PID1: variants seen among roughly 807,000 people sequenced by gnomAD.
PID1 encodes phosphotyrosine interaction domain containing 1, also known as PTB-containing, cubilin and LRP1-interacting protein.
PID1 carries 10 observed loss-of-function variants against 19.1 expected under a neutral mutation model. The observed-to-expected ratio is 0.52, with a 90% CI of 0.32 to 0.89. The LOEUF is 0.89. PID1 is among the 40% of genes least tolerant of loss of function. PID1 has a pLI of 0.03. For synonymous variants in PID1, 130 were observed against 116.0 expected (o/e 1.12, Z -0.78); for missense variants, 248 against 285.3 (o/e 0.87, Z 0.94).
chr2:229,042,918 C>G (rs939584326), intron 2 of PID1, among the ~76,000 whole-genome samples: 1 of 151,008 alleles, frequency 6.6e-6, no homozygotes, highest in African/African-American at 2.4e-5. Flanking sequence ...ACAGGAGTTT[C>G]CTATTAGATT....
At chr2:229,030,902 T>A (rs1210740084) in intron 2 of PID1, among the ~76,000 whole-genome samples, 1 of 152,154 alleles carries the variant, frequency 6.6e-6, no homozygotes, top group East Asian at 1.9e-4. Flanking sequence ...ATTATCTATA[T>A]GAGATTATAT....
intron 1 of PID1, among the ~76,000 whole-genome samples, chr2:229,193,819 G>A (rs1029359111): frequency 1.3e-5 from 2 of 149,464 alleles, no homozygotes; most frequent in African/African-American, 2.5e-5. Context: ...TAATTTATCC[G>A]GAAAGAAAAA....
At chr2:229,160,222 C>T (rs756376273) in intron 1 of PID1, among the ~76,000 whole-genome samples, 25 of 152,192 alleles carry the variant, frequency 1.6e-4, no homozygotes, top group Non-Finnish European at 3.1e-4. Flanking sequence ...ATGGTCTTCC[C>T]ATCCGTGTTG....
At chr2:229,071,099 G>A (rs370552126) in intron 2 of PID1, among the ~76,000 whole-genome samples, 6 of 152,048 alleles carry the variant, frequency 3.9e-5, no homozygotes, top group African/African-American at 9.7e-5. Flanking sequence ...ACTTGATACC[G>A]ACAAAGAGTA....
chr2:229,114,226 C>T (rs1328484053), intron 2 of PID1, among the ~76,000 whole-genome samples: 2 of 151,082 alleles, frequency 1.3e-5, no homozygotes, highest in African/African-American at 2.4e-5. Context: ...TACATCCAGT[C>T]GGTTCTGTTT....
intron 2 of PID1, among the ~76,000 whole-genome samples, chr2:229,104,302 CTG>C (rs1466408505): frequency 6.6e-6 from 1 of 152,148 alleles, no homozygotes; most frequent in African/African-American, 2.4e-5. Context: ...CAAAGCCACA[CTG>C]TAAATGTCAA....
chr2:229,116,051 G>A (rs1274561034), intron 2 of PID1, among the ~76,000 whole-genome samples: 4 of 151,940 alleles, frequency 2.6e-5, no homozygotes, highest in East Asian at 1.9e-4. Flanking sequence ...GTAAAACCCC[G>A]TCTCTACTAA....
At chr2:229,063,381 C>T (rs987177749) in intron 2 of PID1, among the ~76,000 whole-genome samples, 1 of 152,012 alleles carries the variant, frequency 6.6e-6, no homozygotes, top group Non-Finnish European at 1.5e-5. Context: ...TTATTTGACT[C>T]ACTGGTTACT....
rs1445501486 is a variant in PID1 at position 229,271,270 on chromosome 2, C to T, written c.-227G>A. Reference sequence around the variant, plus strand: ...CGGCCGCGCGCCGGCTGTCCTGGCGCAGCTGCGAGAGGACTGCGCAGCTCC... The same window carrying T: ...CGGCCGCGCGCCGGCTGTCCTGGCGTAGCTGCGAGAGGACTGCGCAGCTCC... On this transcript the variant is annotated 5_prime_UTR_variant, in exon 1 of 3. Transcript: ENST00000392055. The T allele has an allele frequency of 1.8e-5, 7 of 380,176 alleles. No homozygotes were observed. The highest frequency in any genetic ancestry group is 2.9e-5 in the Non-Finnish European group (6 of 210,354). 23.6% of individuals were successfully genotyped at this position (380,176 alleles called of 1,614,324 possible).
chr2:229,111,531 T>C (rs931230307), intron 2 of PID1, among the ~76,000 whole-genome samples: 11 of 152,186 alleles, frequency 7.2e-5, no homozygotes, highest in Non-Finnish European at 1.5e-4. Context: ...CACAAAGTGA[T>C]GGGGGAAAGA....
intron 2 of PID1, among the ~76,000 whole-genome samples, chr2:229,032,759 C>T (rs1218497224): frequency 6.6e-6 from 1 of 152,160 alleles, no homozygotes; most frequent in East Asian, 1.9e-4. Flanking sequence ...AACACTTTCC[C>T]CATGTGTCAT....
intron 2 of PID1, among the ~76,000 whole-genome samples, chr2:229,073,819 G>T (rs1281360103): frequency 1.3e-5 from 2 of 152,108 alleles, no homozygotes; most frequent in Admixed American, 1.3e-4. Context: ...CAAAGATTTT[G>T]GCTACTGGGA....
At chr2:229,141,651 A>G (rs973060103) in intron 2 of PID1, among the ~76,000 whole-genome samples, 9 of 151,286 alleles carry the variant, frequency 5.9e-5, no homozygotes, top group Non-Finnish European at 1.0e-4. Context: ...GTGGGGGGGG[A>G]ACTAATTTCA....
At chr2:229,062,582 T>C (rs73099471) in intron 2 of PID1, among the ~76,000 whole-genome samples, 10,610 of 151,950 alleles carry the variant, frequency 0.07, 1,240 homozygotes, top group African/African-American at 0.24. Flanking sequence ...TGTGTGATTC[T>C]GGTGATGATG....
At chr2:229,157,291 G>A (rs1281732401) in intron 1 of PID1, among the ~76,000 whole-genome samples, 2 of 152,142 alleles carry the variant, frequency 1.3e-5, no homozygotes, top group Non-Finnish European at 2.9e-5. Flanking sequence ...TTAGCCGGGC[G>A]TGATGTCAGG....
At chr2:229,088,017 G>A (rs1333432946) in intron 2 of PID1, among the ~76,000 whole-genome samples, 1 of 152,074 alleles carries the variant, frequency 6.6e-6, no homozygotes, top group Non-Finnish European at 1.5e-5. Flanking sequence ...TCCCAGAATA[G>A]AAGCTTCTGA....
intron 2 of PID1, among the ~76,000 whole-genome samples, chr2:229,099,429 C>T (rs558848146): frequency 6.6e-6 from 1 of 152,280 alleles, no homozygotes; most frequent in African/African-American, 2.4e-5. Context: ...TACCAGAAGG[C>T]AGGGCACCAA....
At chr2:229,120,746 G>T (rs928648442) in intron 2 of PID1, among the ~76,000 whole-genome samples, 9 of 152,064 alleles carry the variant, frequency 5.9e-5, no homozygotes, top group Non-Finnish European at 1.0e-4. Flanking sequence ...AGGTACTGGG[G>T]TGTGGGCCTA....
chr2:229,216,635 TA>T (rs1400904511), intron 1 of PID1, among the ~76,000 whole-genome samples: 1 of 151,690 alleles, frequency 6.6e-6, no homozygotes, highest in African/African-American at 2.4e-5. Context: ...AGTAAAAAAA[TA>T]AAAAAAACTA....
Sources: allele counts gnomAD v4.1 joint callset (sites outside exome capture counted in the v4.1 genomes callset), GRCh38; gene constraint gnomAD v4.1.1; transcripts MANE v1.5; gene names NCBI Gene and HGNC (gene_info 2026-07-23, HGNC 2026-07-21).